Variants in RAP1GDS1 observed in about 807,000 individuals in gnomAD.
RAP1GDS1 encodes the protein Rap1 GTPase-GDP dissociation stimulator 1.
A neutral mutation model predicts 71.1 loss-of-function variants in RAP1GDS1; 35 were observed. That is an observed-to-expected ratio of 0.49 (90% CI 0.38 to 0.65). The LOEUF (loss-of-function observed/expected upper bound fraction) is 0.65. RAP1GDS1 is among the 30% of genes least tolerant of loss of function. The pLI is 0.00. For synonymous variants in RAP1GDS1, 229 were observed against 243.1 expected, an observed-to-expected ratio of 0.94 and a Z score of 0.54; for missense variants, 663 against 706.1, an observed-to-expected ratio of 0.94 and a Z score of 0.69.
chr4:98,361,202 C>G (rs1332922840), intron 4 of RAP1GDS1, among the ~76,000 whole-genome samples: 1 of 151,604 alleles, frequency 6.6e-6, no homozygotes, highest in Non-Finnish European at 1.5e-5. Flanking sequence ...TGCATTTGCT[C>G]TCACACACAC....
intron 7 of RAP1GDS1, 99 bp from the exon 8 acceptor site, chr4:98,416,646 G>T: frequency 1.7e-6 from 2 of 1,174,566 alleles, no homozygotes; most frequent in Non-Finnish European, 1.2e-6. Flanking sequence ...CACCGCACCT[G>T]GCCCTCTTAG....
At chr4:98,294,421 CA>C (rs202168826) in intron 2 of RAP1GDS1, among the ~76,000 whole-genome samples, 1,638 of 151,814 alleles carry the variant, frequency 0.011, 14 homozygotes, top group Middle Eastern at 0.02. Flanking sequence ...TACTTTTCAT[CA>C]AAAAAGCACA....
At chr4:98,367,806 G>T (rs1162825463) in intron 4 of RAP1GDS1, among the ~76,000 whole-genome samples, 4 of 152,202 alleles carry the variant, frequency 2.6e-5, no homozygotes, top group Non-Finnish European at 1.5e-5. Context: ...TTTATCCAAT[G>T]CCTATAGCCC....
Position 98,433,956 on chromosome 4 carries a change from G to T in RAP1GDS1, c.1461G>T (p.Val487=). ...SKSKDVIKTI[V]QSGGIKHLVT... Reference sequence around the variant, plus strand: ...TGTAGGATGTAATTAAAACCATTGTGCAGAGTGGTGGCATCAAGCATCTAG... The same window carrying T: ...TGTAGGATGTAATTAAAACCATTGTTCAGAGTGGTGGCATCAAGCATCTAG... Residue 487 remains valine (V), a synonymous_variant, in exon 13 of 15, where the codon GTG becomes GTT. Transcript: ENST00000408927. 4 of 1,608,028 alleles carry T rather than the reference G, an allele frequency of 2.5e-6. No homozygotes were observed. The highest frequency in any genetic ancestry group is 3.4e-6 in the Non-Finnish European group (4 of 1,174,472).
intron 7 of RAP1GDS1, among the ~76,000 whole-genome samples, chr4:98,413,904 T>C (rs1366876550): frequency 2.0e-5 from 3 of 151,958 alleles, no homozygotes; most frequent in South Asian, 2.1e-4. Context: ...TTTTTAATGA[T>C]TGCCATTCTA....
chr4:98,424,521 G>A (rs996005844), intron 12 of RAP1GDS1, among the ~76,000 whole-genome samples: 1 of 152,210 alleles, frequency 6.6e-6, no homozygotes, highest in African/African-American at 2.4e-5. Flanking sequence ...CAGTACTTTG[G>A]GAGGCCAAGG....
intron 1 of RAP1GDS1, among the ~76,000 whole-genome samples, chr4:98,286,176 G>A (rs907710431): frequency 1.3e-5 from 2 of 151,260 alleles, no homozygotes; most frequent in Non-Finnish European, 2.9e-5. Context: ...GAGGTGGGAG[G>A]ATTGCCTAAG....
At chr4:98,370,627 G>A (rs148480672) in intron 4 of RAP1GDS1, among the ~76,000 whole-genome samples, 4,335 of 150,984 alleles carry the variant, frequency 0.029, 186 homozygotes, top group African/African-American at 0.1. Context: ...GCAGTGGCGC[G>A]ATCTCTGCTC....
At chr4:98,329,791 A>AAC (rs1733670113) in intron 2 of RAP1GDS1, among the ~76,000 whole-genome samples, 1 of 142,384 alleles carries the variant, frequency 7.0e-6, no homozygotes, top group Non-Finnish European at 1.5e-5. Flanking sequence ...TCCATCTCAA[A>AAC]AAAAAAAAAA....
At chr4:98,304,079 A>C (rs527802113) in intron 2 of RAP1GDS1, among the ~76,000 whole-genome samples, 1 of 151,980 alleles carries the variant, frequency 6.6e-6, no homozygotes, top group Non-Finnish European at 1.5e-5. Context: ...TATATCTACC[A>C]CATTTCCAGT....
intron 14 of RAP1GDS1, 128 bp downstream of exon 14, chr4:98,437,196 A>G (rs780729332): frequency 7.0e-6 from 7 of 995,956 alleles, no homozygotes; most frequent in Non-Finnish European, 9.4e-6. Flanking sequence ...AGGTTATAAG[A>G]TAACTTTTTT....
intron 1 of RAP1GDS1, among the ~76,000 whole-genome samples, chr4:98,263,703 T>G (rs1722337541): frequency 6.6e-6 from 1 of 152,218 alleles, no homozygotes; most frequent in Non-Finnish European, 1.5e-5. Flanking sequence ...CAGTAAATCT[T>G]TGGCAAATTG....
intron 12 of RAP1GDS1, among the ~76,000 whole-genome samples, chr4:98,424,629 C>T (rs547687859): frequency 7.9e-5 from 12 of 152,082 alleles, no homozygotes; most frequent in East Asian, 1.9e-4. Context: ...GGCATGGTGG[C>T]GTGCGCCTGT....
At chr4:98,408,451 A>G (rs1460368241) in intron 7 of RAP1GDS1, among the ~76,000 whole-genome samples, 1 of 152,192 alleles carries the variant, frequency 6.6e-6, no homozygotes, top group African/African-American at 2.4e-5. Context: ...ATATATTTTA[A>G]AGTATGACTG....
At chr4:98,285,691 A>C (rs2110262827) in intron 1 of RAP1GDS1, among the ~76,000 whole-genome samples, 1 of 151,464 alleles carries the variant, frequency 6.6e-6, no homozygotes, top group Middle Eastern at 3.5e-3. Context: ...GTTGATCACC[A>C]TTGAATAAAA....
Position 98,423,916 on chromosome 4 carries a change from T to C in RAP1GDS1, c.1440+2522T>C, listed in dbSNP as rs146913200. On this transcript the variant is annotated intron_variant, in intron 12 of 14. Transcript: ENST00000408927. The stretch of plus-strand genomic sequence containing the variant: ...AAAGGACAGTTATTGCAAAAATATA[T>C]ATGAGAGTTGATAAAGGACTGAATT... Among the ~76,000 whole-genome samples, 1,379 of 152,264 alleles carry C rather than the reference T, an allele frequency of 9.1e-3. 25 individuals carry two copies. The highest frequency in any genetic ancestry group is 0.031 in the African/African-American group (1,288 of 41,544).
At chr4:98,327,543 C>CT (rs1733325995) in intron 2 of RAP1GDS1, among the ~76,000 whole-genome samples, 1 of 152,160 alleles carries the variant, frequency 6.6e-6, no homozygotes, top group African/African-American at 2.4e-5. Flanking sequence ...TTTTCATAGC[C>CT]TTTCCTGACT....
At position 98,442,818 on chromosome 4, in the gene RAP1GDS1, T is replaced by A. The variant is rs1241460222; in HGVS notation, c.*701T>A. The A allele has an allele frequency of 4.3e-6, 1 of 230,102 alleles. No individual in the cohort carries two copies. The highest frequency in any genetic ancestry group is 8.6e-6 in the Non-Finnish European group (1 of 116,172). 14.3% of individuals were successfully genotyped at this position (230,102 alleles called of 1,614,324 possible). A position where few individuals can be genotyped will look rare whatever the true frequency, so the allele number is the denominator to read the frequency against. ...AGTTTTCAGTGTGAAACTAAGGGGT[T>A]GAAGAATCACTATTACAATCCCTAT... On this transcript the variant is annotated 3_prime_UTR_variant, in exon 15 of 15. Coordinates refer to ENST00000408927, the MANE Select transcript of RAP1GDS1 (RefSeq NM_001100427.2).
chr4:98,404,795 G>T (rs1745894735), intron 7 of RAP1GDS1, among the ~76,000 whole-genome samples, 193 bp downstream of exon 7: 1 of 152,006 alleles, frequency 6.6e-6, no homozygotes, highest in African/African-American at 2.4e-5. Context: ...CAACTTTCCA[G>T]GTTCCTTTGA....
Sources: gnomAD v4.1 joint callset for allele counts (sites outside exome capture counted in the v4.1 genomes callset) on GRCh38, gnomAD v4.1.1 for gene constraint, MANE v1.5 for transcripts, NCBI Gene and HGNC (gene_info 2026-07-23, HGNC 2026-07-21) for gene names.